Variants in HHAT observed in about 807,000 individuals in gnomAD.
HHAT encodes hedgehog acyltransferase.
HHAT carries 47 observed loss-of-function variants against 70.8 expected under a neutral mutation model. The observed-to-expected ratio is 0.66, with a 90% confidence interval of 0.53 to 0.85. The LOEUF (loss-of-function observed/expected upper bound fraction) is 0.85, where lower values mean the gene tolerates loss of function less well. HHAT is among the 40% of genes least tolerant of loss of function. The pLI, the probability that HHAT is intolerant of heterozygous loss-of-function variation, is 0.00. For synonymous variants in HHAT, 228 were observed against 247.6 expected, an observed-to-expected ratio of 0.92 and a Z score of 0.74; for missense variants, 609 against 604.8, an observed-to-expected ratio of 1.01 and a Z score of -0.07.
At chr1:210,477,250 C>A (rs1558596056) in intron 8 of HHAT, among the ~76,000 whole-genome samples, 1 of 152,134 alleles carries the variant, frequency 6.6e-6, no homozygotes, top group Non-Finnish European at 1.5e-5. Context: ...TGATCTACAG[C>A]CACAAAAACT....
chr1:210,347,518 A>G lies in HHAT; in HGVS notation c.-43-1415A>G, dbSNP rs2147964997. On this transcript the variant is annotated intron_variant, in intron 1 of 11. Transcript: ENST00000261458. ...CTTGAGAGGTTTAAATAAAGCAGTA[A>G]AGGCCATAAATGCGTTTAAATTTAG... 1.3e-5 allele frequency among the ~76,000 whole-genome samples: 2 copies of G among 152,342 alleles called. 1 individual carries two copies. The highest frequency in any genetic ancestry group is 4.1e-4 in the South Asian group (2 of 4,828).
chr1:210,459,759 A>G (rs1352971253), intron 7 of HHAT, among the ~76,000 whole-genome samples: 1 of 152,174 alleles, frequency 6.6e-6, no homozygotes, highest in Non-Finnish European at 1.5e-5. Context: ...CATTGCATTT[A>G]TTGTCCTCTG....
intron 1 of HHAT, among the ~76,000 whole-genome samples, chr1:210,339,198 A>C (rs186344702): frequency 2.5e-4 from 38 of 152,334 alleles, no homozygotes; most frequent in African/African-American, 8.4e-4. Context: ...ACTGATTTTG[A>C]AATTCTGATT....
At chr1:210,536,652 C>T (rs2095374875) in intron 9 of HHAT, among the ~76,000 whole-genome samples, 1 of 152,188 alleles carries the variant, frequency 6.6e-6, no homozygotes, top group African/African-American at 2.4e-5. Context: ...CTGGGGCATT[C>T]AGATAATGAA....
At chr1:210,399,298 C>A (rs1220347561) in intron 4 of HHAT, among the ~76,000 whole-genome samples, 2 of 152,096 alleles carry the variant, frequency 1.3e-5, no homozygotes, top group African/African-American at 2.4e-5. Context: ...GCTCTGTTGC[C>A]CAGGCTGGAG....
At chr1:210,425,633 TG>T (rs1282616019) in intron 7 of HHAT, among the ~76,000 whole-genome samples, 2 of 152,040 alleles carry the variant, frequency 1.3e-5, no homozygotes, top group Non-Finnish European at 2.9e-5. Flanking sequence ...CCAGGTGTGT[TG>T]AAGTTCATAT....
chr1:210,538,224 A>G (rs779967819), intron 9 of HHAT, among the ~76,000 whole-genome samples: 1 of 152,180 alleles, frequency 6.6e-6, no homozygotes, highest in Non-Finnish European at 1.5e-5. Flanking sequence ...GATAGATAGC[A>G]GTTGTTGATA....
chr1:210,439,600 T>TGG (rs2093458888), intron 7 of HHAT: 1 of 151,988 alleles, frequency 6.6e-6, no homozygotes, highest in African/African-American at 2.4e-5. Context: ...AAAAACCTTG[T>TGG]GGTTCTTTTG....
rs578216976 is a variant in HHAT at position 210,585,873 on chromosome 1, G to C, written c.1044-2025G>C. On this transcript the variant is annotated intron_variant, in intron 9 of 11. Transcript: ENST00000261458. The stretch of plus-strand genomic sequence containing the variant: ...CAGGATTCCTCCTGAAGGCAGCCAG[G>C]GTGATCAGACACCAAGAGTAGGTGA... Among the ~76,000 whole-genome samples, 34 of 152,278 alleles carry C rather than the reference G, an allele frequency of 2.2e-4. 1 individual carries two copies. In the South Asian group the frequency reaches 7.1e-3, roughly 32 times the overall value.
chr1:210,438,387 G>T (rs1442689324), intron 7 of HHAT, among the ~76,000 whole-genome samples: 1 of 151,750 alleles, frequency 6.6e-6, no homozygotes, highest in Non-Finnish European at 1.5e-5. Flanking sequence ...TCCAAATTCC[G>T]AAGAGGTCTA....
At chr1:210,428,695 G>T (rs1358918200) in intron 7 of HHAT, among the ~76,000 whole-genome samples, 1 of 151,616 alleles carries the variant, frequency 6.6e-6, no homozygotes, top group Non-Finnish European at 1.5e-5. Context: ...AACCTTCGTG[G>T]GCCAGGTGTG....
intron 8 of HHAT, among the ~76,000 whole-genome samples, chr1:210,483,837 G>A (rs951775875): frequency 6.6e-6 from 1 of 152,164 alleles, no homozygotes; most frequent in East Asian, 1.9e-4. Flanking sequence ...AATAATATAA[G>A]TATAAATACA....
chr1:210,470,677 G>A (rs947528577), intron 8 of HHAT, among the ~76,000 whole-genome samples: 1 of 152,128 alleles, frequency 6.6e-6, no homozygotes. Flanking sequence ...CTATTGACAA[G>A]CTCTTGGATG....
chr1:210,646,999 C>A (rs1015888547), intron 11 of HHAT, among the ~76,000 whole-genome samples: 1 of 152,180 alleles, frequency 6.6e-6, no homozygotes, highest in Non-Finnish European at 1.5e-5. Context: ...TTTCTTCCCA[C>A]TGTATTAGCC....
chr1:210,547,632 C>T (rs931784805), intron 9 of HHAT, among the ~76,000 whole-genome samples: 2 of 152,132 alleles, frequency 1.3e-5, no homozygotes, highest in African/African-American at 4.8e-5. Context: ...ACATATTGGA[C>T]ACCATTTTGT....
At chr1:210,386,528 G>A (rs971275987) in intron 3 of HHAT, among the ~76,000 whole-genome samples, 5 of 151,900 alleles carry the variant, frequency 3.3e-5, no homozygotes, top group African/African-American at 2.4e-5. Context: ...GTGAGCCACC[G>A]CGCCCGGCCT....
chr1:210,605,213 GTGTTACAGA>G (rs1665136744), intron 10 of HHAT, among the ~76,000 whole-genome samples: 1 of 152,188 alleles, frequency 6.6e-6, no homozygotes, highest in Admixed American at 6.5e-5. Flanking sequence ...ACTACCTCCA[GTGTTACAGA>G]TGTTACAGAT....
intron 9 of HHAT, among the ~76,000 whole-genome samples, chr1:210,575,145 TCTC>T (rs991127779): frequency 1.3e-5 from 2 of 152,118 alleles, no homozygotes; most frequent in African/African-American, 4.8e-5. Flanking sequence ...CCCTACCTCT[TCTC>T]CTCCTGACTC....
At chr1:210,581,917 C>T (rs1170480504) in intron 9 of HHAT, among the ~76,000 whole-genome samples, 1 of 152,058 alleles carries the variant, frequency 6.6e-6, no homozygotes, top group Non-Finnish European at 1.5e-5. Context: ...AGCTGTGTAA[C>T]ATACACACGC....
Sources: allele counts gnomAD v4.1 joint callset (sites outside exome capture counted in the v4.1 genomes callset), GRCh38; gene constraint gnomAD v4.1.1; transcripts MANE v1.5; gene names NCBI Gene and HGNC (gene_info 2026-07-23, HGNC 2026-07-21).